The following PI4KA variants were observed in gnomAD, a reference collection of about 807,000 sequenced individuals.
PI4KA encodes the protein phosphatidylinositol 4-kinase alpha, also known as PI4-kinase alpha.
In PI4KA, 122 loss-of-function variants were observed where a neutral mutation model predicts 271.4. That is an observed-to-expected ratio of 0.45 (90% CI 0.39 to 0.52). PI4KA has a LOEUF of 0.52. PI4KA is among the 20% of genes least tolerant of loss of function. The pLI, the probability that PI4KA is intolerant of heterozygous loss-of-function variation, is 0.00. For missense variants in PI4KA, 1,969 were observed against 2,769.1 expected, an observed-to-expected ratio of 0.71 and a Z score of 6.48; for synonymous variants, 1,041 against 1,078.8, an observed-to-expected ratio of 0.96 and a Z score of 0.69.
chr22:20,730,971 G>C (rs1275037239), intron 36 of PI4KA, among the ~76,000 whole-genome samples: 1 of 151,876 alleles, frequency 6.6e-6, no homozygotes, highest in African/African-American at 2.4e-5. Context: ...GACGCCAGGA[G>C]ATCGAGGCCA....
rs770391373 is a variant in PI4KA at position 20,799,087 on chromosome 22, C to T, written c.2004+6G>A. 6.2e-7 allele frequency: 1 copy of T among 1,612,484 alleles called. No individual in the cohort carries two copies. The highest frequency in any genetic ancestry group is 1.3e-5 in the African/African-American group (1 of 74,974). ...TTAGTGGTGTTCTGGCTCTGGCCTC[C>T]CTTACATTTCCGGTGATAACCAGGC... On this transcript the variant is annotated splice_donor_region_variant and intron_variant, in intron 16 of 54. Coordinates refer to ENST00000255882, the MANE Select transcript of PI4KA (RefSeq NM_058004.4).
chr22:20,821,154 T>C (rs1223728797), intron 4 of PI4KA, among the ~76,000 whole-genome samples: 2 of 152,196 alleles, frequency 1.3e-5, no homozygotes, highest in Non-Finnish European at 2.9e-5. Flanking sequence ...GACATTAGCT[T>C]TTCTGCAGCC....
intron 22 of PI4KA, among the ~76,000 whole-genome samples, chr22:20,762,324 CTTGA>C (rs1284017843): frequency 6.6e-6 from 1 of 152,190 alleles, no homozygotes; most frequent in East Asian, 1.9e-4. Flanking sequence ...ACACCTTTAA[CTTGA>C]TTTCCCAAAT....
At chr22:20,744,853 C>A in intron 29 of PI4KA, 133 bp from the exon 30 acceptor site, 2 of 578,038 alleles carry the variant, frequency 3.5e-6, no homozygotes, top group Non-Finnish European at 3.0e-6. Flanking sequence ...ATCTTCACTG[C>A]TGGCAAGTTA....
At chr22:20,764,674 T>G (rs557149158) in intron 22 of PI4KA, 143 bp downstream of exon 22, 3 of 760,718 alleles carry the variant, frequency 3.9e-6, no homozygotes, top group East Asian at 2.9e-5. Flanking sequence ...ACGAGAAAAG[T>G]AGAGGGTGTT....
intron 45 of PI4KA, among the ~76,000 whole-genome samples, chr22:20,715,127 G>A (rs1925816507): frequency 6.6e-6 from 1 of 151,656 alleles, no homozygotes; most frequent in Non-Finnish European, 1.5e-5. Context: ...CTGGAGTGCA[G>A]TGGTGCGATC....
rs1193948771 is a variant in PI4KA, at chr22:20,833,669, T to G, written c.367+893A>C. Among the ~76,000 whole-genome samples, 4 of 149,296 alleles carry G rather than the reference T, an allele frequency of 2.7e-5. No homozygotes were observed. In the East Asian group the frequency reaches 5.8e-4, roughly 22 times the overall value. ...TTGGTTTGTTTTTGTTTTTTTTTTTTTTTTTTTTTGAGACGGAGTCTCGTG... is the reference window on the plus strand; with the variant it reads ...TTGGTTTGTTTTTGTTTTTTTTTTTGTTTTTTTTTGAGACGGAGTCTCGTG... On this transcript the variant is annotated intron_variant, in intron 3 of 54. Coordinates refer to ENST00000255882, the MANE Select transcript of PI4KA (RefSeq NM_058004.4).
intron 42 of PI4KA, among the ~76,000 whole-genome samples, chr22:20,722,898 A>C (rs563215913): frequency 5.3e-5 from 8 of 152,318 alleles, no homozygotes; most frequent in Non-Finnish European, 1.2e-4. Context: ...AGTGTTTTTA[A>C]ATATAAGTTT....
At chr22:20,716,663 C>T (rs1460191746) in intron 45 of PI4KA, among the ~76,000 whole-genome samples, 2 of 152,134 alleles carry the variant, frequency 1.3e-5, no homozygotes, top group Non-Finnish European at 2.9e-5. Flanking sequence ...TCAGCCAACA[C>T]AATCTAGAGC....
chr22:20,819,852 G>A lies in PI4KA; in HGVS notation c.578C>T (p.Ala193Val). The A allele has an allele frequency of 6.2e-7, 1 of 1,613,850 alleles. No individual in the cohort carries two copies. Among genetic ancestry groups the A allele is most frequent in the Non-Finnish European group, 8.5e-7 (1 of 1,179,722 alleles). ...TTCCATGTTGCTGTAACGCCCAAATGCTCGCGAGATTCCTATCAGGCATGG... is the reference window on the plus strand; with the variant it reads ...TTCCATGTTGCTGTAACGCCCAAATACTCGCGAGATTCCTATCAGGCATGG... ...AIPCLIGISR[A>V]FGRYSNMEES... Residue 193 changes from alanine to valine, a missense_variant, in exon 6 of 55, where the codon GCA (alanine) becomes GTA (valine). Transcript: ENST00000255882.
intron 19 of PI4KA, chr22:20,787,052 C>T (rs1842603182): frequency 1.2e-6 from 2 of 1,614,032 alleles, no homozygotes; most frequent in Admixed American, 1.7e-5. Flanking sequence ...AGTGGCCAAC[C>T]CCAGCAGGTC....
intron 19 of PI4KA, chr22:20,786,025 G>C: frequency 1.2e-6 from 2 of 1,614,132 alleles, no homozygotes; most frequent in Non-Finnish European, 1.7e-6. Flanking sequence ...TGCTTCTGCC[G>C]AAATTCAAGC....
intron 32 of PI4KA, chr22:20,736,737 G>C (rs1238231608): frequency 6.5e-6 from 1 of 154,904 alleles, no homozygotes; most frequent in Non-Finnish European, 1.4e-5. Flanking sequence ...GAGGGACCTC[G>C]CTGGCATCTA....
intron 9 of PI4KA, among the ~76,000 whole-genome samples, chr22:20,810,465 C>A (rs1400483485): frequency 1.3e-5 from 2 of 151,254 alleles, no homozygotes; most frequent in Non-Finnish European, 2.9e-5. Context: ...GCCGAGATTG[C>A]GCCACTGCAC....
chr22:20,849,216 A>T (rs2147813537), intron 1 of PI4KA, among the ~76,000 whole-genome samples: 1 of 152,258 alleles, frequency 6.6e-6, no homozygotes, highest in African/African-American at 2.4e-5. Flanking sequence ...TGACAATGTA[A>T]AGAAAACAAG....
At chr22:20,761,910 A>G (rs1375142550) in intron 22 of PI4KA, among the ~76,000 whole-genome samples, 1 of 151,922 alleles carries the variant, frequency 6.6e-6, no homozygotes, top group Non-Finnish European at 1.5e-5. Context: ...TTGCCTATGC[A>G]CAGAAAATTT....
At chr22:20,844,772 T>A (rs974693667) in intron 1 of PI4KA, among the ~76,000 whole-genome samples, 4 of 152,142 alleles carry the variant, frequency 2.6e-5, no homozygotes, top group African/African-American at 9.7e-5. Flanking sequence ...TATTTAATCC[T>A]CACAACAGCT....
At chr22:20,726,898 C>A (rs931703168) in intron 41 of PI4KA, among the ~76,000 whole-genome samples, 1 of 152,082 alleles carries the variant, frequency 6.6e-6, no homozygotes, top group East Asian at 1.9e-4. Flanking sequence ...AGGGACCCTC[C>A]ACGGGTGAGG....
intron 7 of PI4KA, among the ~76,000 whole-genome samples, chr22:20,816,249 G>A (rs1218355969): frequency 6.6e-6 from 1 of 151,970 alleles, no homozygotes; most frequent in Non-Finnish European, 1.5e-5. Context: ...TTTTAAGCAG[G>A]AAAAGAAGTG....
Sources: allele counts gnomAD v4.1 joint callset (sites outside exome capture counted in the v4.1 genomes callset), GRCh38; gene constraint gnomAD v4.1.1; transcripts MANE v1.5; gene names NCBI Gene and HGNC (gene_info 2026-07-23, HGNC 2026-07-21).